Variants in NLRP8 observed in about 807,000 individuals in gnomAD.
NLRP8 encodes the protein NLR family pyrin domain containing 8.
NLRP8 carries 86 observed loss-of-function variants against 88.7 expected under a neutral mutation model. That is an observed-to-expected ratio of 0.97 (90% CI 0.81 to 1.16). The LOEUF (loss-of-function observed/expected upper bound fraction) is 1.16, where lower values mean the gene tolerates loss of function less well. Ranked by LOEUF, NLRP8 falls within the 50% of genes most tolerant of loss-of-function variation. The pLI, the probability that NLRP8 is intolerant of heterozygous loss-of-function variation, is 0.00. For missense variants in NLRP8, 1,342 were observed against 1,286.5 expected (o/e 1.04, Z -0.66); for synonymous variants, 504 against 494.6 (o/e 1.02, Z -0.25).
intron 9 of NLRP8, among the ~76,000 whole-genome samples, chr19:55,985,753 T>C (rs919306358): frequency 1.3e-5 from 2 of 152,132 alleles, no homozygotes; most frequent in African/African-American, 4.8e-5. Flanking sequence ...CACTGGCTCA[T>C]GCCTGTAATC....
At chr19:55,980,694 A>G (rs1980536247) in intron 9 of NLRP8, among the ~76,000 whole-genome samples, 1 of 152,192 alleles carries the variant, frequency 6.6e-6, no homozygotes, top group South Asian at 2.1e-4. Flanking sequence ...GGTGGCAGAG[A>G]GAGATGACTG....
At chr19:55,957,502 A>G (rs1040294171) in intron 3 of NLRP8, among the ~76,000 whole-genome samples, 1 of 151,722 alleles carries the variant, frequency 6.6e-6, no homozygotes. Context: ...GCTGGCCAAC[A>G]TGGTAAAACC....
rs1210065592 is a variant in NLRP8 at position 55,979,522 on chromosome 19, G to A, written c.3005G>A (p.Cys1002Tyr). The A allele has an allele frequency of 1.5e-5, 25 of 1,614,086 alleles. No individual in the cohort carries two copies. The highest frequency in any genetic ancestry group is 2.1e-5 in the Non-Finnish European group (25 of 1,180,036). ...GGAGTCTATGGTATTCTGACCTTGT[G>A]CGAGGCCTTCTCAAGCCAAAAGAAG... Residue 1002 changes from cysteine to tyrosine, a missense_variant, in exon 9 of 10, where the codon TGC becomes TAC. Transcript: ENST00000291971.
At position 55,979,577 on chromosome 19, in the gene NLRP8, C is replaced by T. The variant is rs11084419; in HGVS notation, c.3047+13C>T. The T allele has an allele frequency of 0.17, 274,949 of 1,613,228 alleles. 25,072 individuals are homozygous for T. The highest frequency in any genetic ancestry group is 0.33 in the African/African-American group (24,885 of 74,902). On this transcript the variant is annotated intron_variant, in intron 9 of 9. Coordinates refer to ENST00000291971, the MANE Select transcript of NLRP8 (RefSeq NM_176811.2). ...AAGAGGTCATTTTGTAAGTCTCCAC[C>T]GGGTTTCCTGTGCAAAACCTACCAC... is the stretch of plus-strand genomic sequence containing the variant.
intron 7 of NLRP8, among the ~76,000 whole-genome samples, chr19:55,975,270 A>G (rs778855195): frequency 6.6e-6 from 1 of 152,222 alleles, no homozygotes; most frequent in Admixed American, 6.5e-5. Flanking sequence ...TGTTTGTGAA[A>G]GGCAAGAGGT....
chr19:55,979,527 G>C lies in NLRP8; in HGVS notation c.3010G>C (p.Ala1004Pro), dbSNP rs748571764. 3 of 1,614,086 alleles carry C rather than the reference G, an allele frequency of 1.9e-6. No homozygotes were observed. The highest frequency in any genetic ancestry group is 2.7e-5 in the African/African-American group (2 of 74,936). The change falls in exon 9 of 10, where the codon GCC (alanine) becomes CCC (proline). Residue 1004 changes from alanine to proline, a missense_variant. Coordinates refer to ENST00000291971, the MANE Select transcript of NLRP8 (RefSeq NM_176811.2). Reference sequence around the variant, plus strand: ...CTATGGTATTCTGACCTTGTGCGAGGCCTTCTCAAGCCAAAAGAAGAGAGA... The same window carrying C: ...CTATGGTATTCTGACCTTGTGCGAGCCCTTCTCAAGCCAAAAGAAGAGAGA...
chr19:55,952,148 A>T (rs1979123175), intron 1 of NLRP8, among the ~76,000 whole-genome samples: 1 of 152,104 alleles, frequency 6.6e-6, no homozygotes, highest in African/African-American at 2.4e-5. Flanking sequence ...ACCGATGTAG[A>T]TCCCACGGTA....
Position 55,954,798 on chromosome 19 carries a change from A to C in NLRP8, c.740A>C (p.Glu247Ala). 4 of 1,614,202 alleles carry C rather than the reference A, an allele frequency of 2.5e-6. No individual in the cohort carries two copies. Among genetic ancestry groups the C allele is most frequent in the Non-Finnish European group, 3.4e-6 (4 of 1,180,030 alleles). Residue 247 changes from glutamate to alanine, a missense_variant, in exon 3 of 10, where the codon GAG (glutamate) becomes GCG (alanine). By Grantham distance (107) the Glu-to-Ala change is moderately radical. Coordinates refer to ENST00000291971, the MANE Select transcript of NLRP8 (RefSeq NM_176811.2). ...TGTGCTTTCTACTTCCATTGCCAAG[A>C]GGTGAACCAGACGACAGACCAGAGC...
At chr19:55,957,949 A>G (rs1291263538) in intron 3 of NLRP8, among the ~76,000 whole-genome samples, 9 of 152,038 alleles carry the variant, frequency 5.9e-5, no homozygotes, top group Admixed American at 5.9e-4. Flanking sequence ...ATTGGTTGAT[A>G]TTTATTTGGC....
chr19:55,955,071 C>G lies in NLRP8; in HGVS notation c.1013C>G (p.Ser338Cys), dbSNP rs199475837. ...CTACTGATCATGATAAGATTTACCT[C>G]TTGGCAGACATGCAAGCCCTTGCTG... The change falls in exon 3 of 10, where the codon TCT (serine) becomes TGT (cysteine). Residue 338 changes from serine to cysteine, a missense_variant. By Grantham distance (112) the Ser-to-Cys change is moderately radical. Coordinates refer to ENST00000291971, the MANE Select transcript of NLRP8 (RefSeq NM_176811.2). The G allele has an allele frequency of 1.2e-6, 2 of 1,614,102 alleles. No homozygotes were observed. Among genetic ancestry groups the G allele is most frequent in the South Asian group, 2.2e-5 (2 of 91,082 alleles).
chr19:55,951,415 T>C (rs1443435172), intron 1 of NLRP8, among the ~76,000 whole-genome samples: 1 of 152,212 alleles, frequency 6.6e-6, no homozygotes, highest in Non-Finnish European at 1.5e-5. Flanking sequence ...GCGAATTTGG[T>C]GTTCACAAGA....
At chr19:55,976,704 A>T (rs1323605731) in intron 8 of NLRP8, among the ~76,000 whole-genome samples, 1 of 150,678 alleles carries the variant, frequency 6.6e-6, no homozygotes, top group Non-Finnish European at 1.5e-5. Flanking sequence ...ATACACATAT[A>T]TGTATATAAA....
In NLRP8 at chr19:55,970,644, C is replaced by T; in HGVS notation, c.2482C>T (p.Leu828=). The T allele has an allele frequency of 6.2e-7, 1 of 1,614,060 alleles. No individual in the cohort carries two copies. The highest frequency in any genetic ancestry group is 1.6e-4 in the Middle Eastern group (1 of 6,062). The change falls in exon 6 of 10, where the codon CTG becomes TTG. Residue 828 remains leucine, a synonymous_variant. Coordinates refer to ENST00000291971, the MANE Select transcript of NLRP8 (RefSeq NM_176811.2). ...GACTCTCATACTAAGAAAAAACTCC[C>T]TGGAGAACTGTGGGGCGTATTACCT...
Position 55,979,578 on chromosome 19 carries a change from G to A in NLRP8, c.3047+14G>A, listed in dbSNP as rs759863314. 2.4e-5 allele frequency: 39 copies of A among 1,613,670 alleles called. No homozygotes were observed. Among genetic ancestry groups the A allele is most frequent in the South Asian group, 6.6e-5 (6 of 91,026 alleles). On this transcript the variant is annotated intron_variant, in intron 9 of 9. Transcript: ENST00000291971. ...AGAGGTCATTTTGTAAGTCTCCACC[G>A]GGTTTCCTGTGCAAAACCTACCACA...
rs35767678 is a variant in NLRP8 at position 55,953,792 on chromosome 19, C to CTTTTTTTT, written c.443-689_443-682dup. On this transcript the variant is annotated intron_variant, in intron 2 of 9. Transcript: ENST00000291971. ...ACAGGCGTAAGCCACTGTGCCTGGC[C>CTTTTTTTT]TTTTTTTTTTTTTTTTTTTTTTTTT... 3.5e-3 allele frequency among the ~76,000 whole-genome samples: 195 copies of CTTTTTTTT among 55,246 alleles called. 25 individuals are homozygous for CTTTTTTTT. The highest frequency in any genetic ancestry group is 0.014 in the African/African-American group (187 of 13,768). 36.2% of individuals were successfully genotyped at this position (55,246 alleles called of 152,430 possible). A position where few individuals can be genotyped will look rare whatever the true frequency, so the allele number is the denominator to read the frequency against.
Position 55,973,791 on chromosome 19 carries a change from C to A in NLRP8, c.2674C>A (p.Pro892Thr), listed in dbSNP as rs1266350214. The change falls in exon 7 of 10, where the codon CCA becomes ACA. Residue 892 changes from proline (P) to threonine (T), a missense_variant. Physicochemically the swap from Pro to Thr is conservative, Grantham distance 38. Transcript: ENST00000291971. ...GGCCAAGCATATTTGGAATGCCCTG[C>A]CACACCTGAGATGTCCTCTGCAGAG... 1.2e-6 allele frequency: 2 copies of A among 1,613,724 alleles called. No homozygotes were observed. The highest frequency in any genetic ancestry group is 1.1e-5 in the South Asian group (1 of 90,974).
chr19:55,987,776 A>C, intron 9 of NLRP8: 1 of 1,499,782 alleles, frequency 6.7e-7, no homozygotes, highest in Non-Finnish European at 9.3e-7. Context: ...TCCTCAGAAA[A>C]TAACCTCAAC....
chr19:55,957,579 G>A (rs1000165016), intron 3 of NLRP8, among the ~76,000 whole-genome samples: 7 of 150,936 alleles, frequency 4.6e-5, no homozygotes, highest in African/African-American at 7.3e-5. Flanking sequence ...CCAGCTACTC[G>A]GGAGGCTGAG....
intron 6 of NLRP8, among the ~76,000 whole-genome samples, chr19:55,972,099 A>G (rs914615616): frequency 1.4e-5 from 2 of 138,114 alleles, no homozygotes; most frequent in Admixed American, 1.5e-4. Context: ...CCATATATTT[A>G]TTTTCTATGT....
Sources: allele counts gnomAD v4.1 joint callset (sites outside exome capture counted in the v4.1 genomes callset), GRCh38; gene constraint gnomAD v4.1.1; transcripts MANE v1.5; gene names NCBI Gene and HGNC (gene_info 2026-07-23, HGNC 2026-07-21).